GABRA3: variants seen among roughly 807,000 people sequenced by gnomAD.
GABRA3 encodes the protein gamma-aminobutyric acid receptor subunit alpha-3.
Under a neutral mutation model 30.1 loss-of-function variants are expected in GABRA3, and 10 were observed. That is an observed-to-expected ratio of 0.33 (90% confidence interval 0.20 to 0.56). GABRA3 has a LOEUF of 0.56. Ranked by LOEUF, GABRA3 falls within the 20% of genes least tolerant of loss-of-function variation. The pLI is 0.89. For missense variants in GABRA3, 233 were observed against 392.0 expected, an observed-to-expected ratio of 0.59 and a Z score of 3.42; for synonymous variants, 151 against 146.8, an observed-to-expected ratio of 1.03 and a Z score of -0.21.
At chrX:152,281,921 A>G (rs1939205786) in intron 4 of GABRA3, among the ~76,000 whole-genome samples, 1 of 112,002 alleles carries the variant, frequency 8.9e-6, no homozygotes, top group Admixed American at 9.5e-5. Context: ...CTCAGATTTG[A>G]TTTGTTCCTT....
intron 9 of GABRA3, among the ~76,000 whole-genome samples, chrX:152,181,191 TTG>T (rs1362281103): frequency 8.9e-6 from 1 of 112,040 alleles, no homozygotes; most frequent in African/African-American, 3.2e-5. Flanking sequence ...TTCCATTTAT[TTG>T]TGTCTTCAAT....
At chrX:152,231,188 T>C (rs5924732) in intron 5 of GABRA3, among the ~76,000 whole-genome samples, 1 of 107,777 alleles carries the variant, frequency 9.3e-6, no homozygotes, top group South Asian at 3.8e-4. Context: ...CACATATGTA[T>C]ATATACACAT....
At chrX:152,365,233 A>G (rs1483032191) in intron 1 of GABRA3, among the ~76,000 whole-genome samples, 1 of 111,778 alleles carries the variant, frequency 8.9e-6, no homozygotes, top group African/African-American at 3.2e-5. Flanking sequence ...TTAGGTTGAG[A>G]AAATACTGAA....
chrX:152,241,251 C>T (rs1441676475), intron 5 of GABRA3, among the ~76,000 whole-genome samples: 1 of 95,982 alleles, frequency 1.0e-5, no homozygotes, highest in Non-Finnish European at 2.2e-5. Context: ...GTTGGAATAC[C>T]CTGCAGTGTG....
At chrX:152,379,249 T>C (rs1420192876) in intron 1 of GABRA3, among the ~76,000 whole-genome samples, 1 of 111,753 alleles carries the variant, frequency 8.9e-6, no homozygotes, top group African/African-American at 3.2e-5. Context: ...ATTATTAAAA[T>C]AATATAGGAT....
At chrX:152,336,197 T>A (rs1369911546) in intron 3 of GABRA3, among the ~76,000 whole-genome samples, 4 of 109,308 alleles carry the variant, frequency 3.7e-5, no homozygotes, top group Non-Finnish European at 7.6e-5. Context: ...CCTTCATTTT[T>A]TGCTCCTGCC....
chrX:152,290,983 T>A (rs1166326092), intron 3 of GABRA3, among the ~76,000 whole-genome samples: 1 of 111,825 alleles, frequency 8.9e-6, no homozygotes, highest in South Asian at 3.8e-4. Flanking sequence ...CTTAGGATTA[T>A]CTTGGCAATG....
chrX:152,378,223 G>A (rs757884214), intron 1 of GABRA3, among the ~76,000 whole-genome samples: 8 of 111,851 alleles, frequency 7.2e-5, no homozygotes, highest in African/African-American at 1.9e-4. Context: ...TCACTAAAAC[G>A]AGGAATCTAG....
chrX:152,388,461 G>T (rs1027680175), intron 1 of GABRA3, among the ~76,000 whole-genome samples: 8 of 111,719 alleles, frequency 7.2e-5, no homozygotes, highest in African/African-American at 2.6e-4. Context: ...CACCCTGCAT[G>T]TGTTCAGATA....
chrX:152,346,677 G>C (rs989162105), intron 2 of GABRA3, among the ~76,000 whole-genome samples: 3 of 112,012 alleles, frequency 2.7e-5, no homozygotes, highest in Admixed American at 1.9e-4. Context: ...AAAATGGGCA[G>C]AATATTTGAA....
rs1359087758 is a variant in GABRA3, at chrX:152,168,270, G to A, written c.1437C>T (p.Val479=). 3.3e-6 allele frequency: 4 copies of A among 1,209,693 alleles called. No homozygotes were observed. Among genetic ancestry groups the A allele is most frequent in the African/African-American group, 1.8e-5 (1 of 57,129 alleles). The change falls in exon 10 of 10, where the codon GTC becomes GTT. Residue 479 remains valine (V), a synonymous_variant. Transcript: ENST00000370314. The part of the protein sequence containing the change: ...IFNLVYWATY[V]NRESAIKGMI... ...TGCCCTTGATAGCTGACTCCCGGTT[G>A]ACATATGTGGCCCAATAGACCAGAT...
At position 152,168,265 on chromosome X, in the gene GABRA3, C is replaced by T. The variant is rs921583224; in HGVS notation, c.1442G>A (p.Arg481Gln). Residue 481 changes from arginine to glutamine, a missense_variant, in exon 10 of 10, where the codon CGG (arginine) becomes CAG (glutamine). By Grantham distance (43) the Arg-to-Gln change is conservative (BLOSUM62 1). Coordinates refer to ENST00000370314, the MANE Select transcript of GABRA3 (RefSeq NM_000808.4). The stretch of plus-strand genomic sequence containing the variant: ...GATCATGCCCTTGATAGCTGACTCC[C>T]GGTTGACATATGTGGCCCAATAGAC... Reference protein sequence around the residue: ...NLVYWATYVNRESAIKGMIRK... With the variant: ...NLVYWATYVNQESAIKGMIRK... 15 of 1,209,383 alleles carry T rather than the reference C, an allele frequency of 1.2e-5. No homozygotes were observed. Among genetic ancestry groups the T allele is most frequent in the East Asian group, 8.9e-5 (3 of 33,740 alleles).
intron 1 of GABRA3, 44 bp from the exon 2 acceptor site, chrX:152,364,640 A>G: frequency 5.2e-6 from 5 of 960,699 alleles, no homozygotes; most frequent in Non-Finnish European, 7.2e-6. Flanking sequence ...GGTAGAGAGT[A>G]GAAAACAAAG....
chrX:152,290,062 T>G (rs1939376705), intron 3 of GABRA3, among the ~76,000 whole-genome samples: 1 of 112,136 alleles, frequency 8.9e-6, no homozygotes, highest in Non-Finnish European at 1.9e-5. Flanking sequence ...CAAATGGTAT[T>G]TCCAGTTCTA....
At chrX:152,214,716 GTCTT>G (rs2124372455) in intron 6 of GABRA3, among the ~76,000 whole-genome samples, 1 of 111,017 alleles carries the variant, frequency 9.0e-6, no homozygotes, top group East Asian at 2.8e-4. Context: ...AACACAAGAC[GTCTT>G]TCTATTTATT....
At chrX:152,448,120 T>C (rs1931132568) in intron 1 of GABRA3, among the ~76,000 whole-genome samples, 1 of 112,181 alleles carries the variant, frequency 8.9e-6, no homozygotes, top group African/African-American at 3.2e-5. Context: ...AACAAACAAA[T>C]GACAACAAAC....
At chrX:152,241,357 C>T (rs1233729154) in intron 5 of GABRA3, among the ~76,000 whole-genome samples, 1 of 94,873 alleles carries the variant, frequency 1.1e-5, no homozygotes, top group East Asian at 3.0e-4. Context: ...AGGCAGTCTG[C>T]CGGTTCTCAG....
chrX:152,230,770 T>C (rs1175809551), intron 5 of GABRA3, among the ~76,000 whole-genome samples: 1 of 110,883 alleles, frequency 9.0e-6, no homozygotes, highest in Non-Finnish European at 1.9e-5. Flanking sequence ...AGATATGAAC[T>C]TAGACTGTTA....
intron 6 of GABRA3, among the ~76,000 whole-genome samples, chrX:152,214,656 T>A (rs1403278410): frequency 9.2e-6 from 1 of 109,058 alleles, no homozygotes; most frequent in African/African-American, 3.3e-5. Context: ...ATGTGTAGAT[T>A]GCTTTAGGTA....
Sources: allele counts gnomAD v4.1 joint callset (sites outside exome capture counted in the v4.1 genomes callset), GRCh38; gene constraint gnomAD v4.1.1; transcripts MANE v1.5; gene names NCBI Gene and HGNC (gene_info 2026-07-23, HGNC 2026-07-21).